Variants in SGK1 observed in about 807,000 individuals in gnomAD.
SGK1 encodes serum/glucocorticoid regulated kinase 1.
Under a neutral mutation model 64.2 loss-of-function variants are expected in SGK1, and 26 were observed. The ratio of observed to expected loss-of-function variants is 0.40; its 90% confidence interval spans 0.30 to 0.56. SGK1 has a LOEUF of 0.56. Ranked by LOEUF, SGK1 falls within the 20% of genes least tolerant of loss-of-function variation. SGK1 has a pLI of 0.38. For synonymous variants in SGK1, 265 were observed against 239.7 expected (o/e 1.11, Z -0.98); for missense variants, 519 against 645.6 (o/e 0.80, Z 2.12).
At chr6:134,185,555 AGT>A (rs55653141) in intron 3 of SGK1, among the ~76,000 whole-genome samples, 4,052 of 145,326 alleles carry the variant, frequency 0.028, 86 homozygotes, top group African/African-American at 0.059. Context: ...TATCTCTATG[AGT>A]GTGTGTGTGT....
In SGK1 at chr6:134,242,038, G is replaced by A. The variant is rs559319901; in HGVS notation, c.285+19895C>T. 7.2e-5 allele frequency among the ~76,000 whole-genome samples: 11 copies of A among 152,334 alleles called. No individual in the cohort carries two copies. The South Asian group carries it at 2.3e-3, about 32-fold the overall frequency. On this transcript the variant is annotated intron_variant, in intron 2 of 13. Coordinates refer to ENST00000367858, the MANE Select transcript of SGK1 (RefSeq NM_001143676.3). ...TGTCAGGAGTCCCAGAGGAAAGGGA[G>A]AGAAGGGATTAATGTGGCTAAGTGA...
At chr6:134,300,278 C>T (rs1777427797) in intron 1 of SGK1, among the ~76,000 whole-genome samples, 1 of 151,296 alleles carries the variant, frequency 6.6e-6, no homozygotes, top group Non-Finnish European at 1.5e-5. Context: ...ATGGCTCACG[C>T]CTGTAATCCC....
Position 134,207,440 on chromosome 6 carries a change from CAT to C in SGK1, c.286-11_286-10del, listed in dbSNP as rs1250359838. ...TTACATGGCTCTCTCACCTTTAAAA[CAT>C]AAAGAGAAAAGAAGTGATATAAAAA... On this transcript the variant is annotated splice_polypyrimidine_tract_variant and intron_variant, in intron 2 of 13. Transcript: ENST00000367858. The C allele has an allele frequency of 4.1e-5, 65 of 1,595,030 alleles. No homozygotes were observed. The highest frequency in any genetic ancestry group is 5.3e-5 in the Non-Finnish European group (62 of 1,163,820).
At chr6:134,313,275 T>C (rs1369894757) in intron 1 of SGK1, among the ~76,000 whole-genome samples, 2 of 152,144 alleles carry the variant, frequency 1.3e-5, no homozygotes, top group Admixed American at 6.5e-5. Context: ...GTCAACACTT[T>C]GGGACGCTCC....
chr6:134,265,541 C>G (rs1022995990), intron 1 of SGK1, among the ~76,000 whole-genome samples: 1 of 145,764 alleles, frequency 6.9e-6, no homozygotes, highest in African/African-American at 2.5e-5. Flanking sequence ...ATTTTATATA[C>G]ACATATATAT....
intron 1 of SGK1, among the ~76,000 whole-genome samples, chr6:134,301,926 T>C (rs759416566): frequency 1.1e-4 from 16 of 152,152 alleles, no homozygotes; most frequent in Admixed American, 6.6e-4. Context: ...AAGATATGGA[T>C]GGATAAGTGT....
At chr6:134,243,382 T>C (rs1329198641) in intron 2 of SGK1, among the ~76,000 whole-genome samples, 1 of 152,160 alleles carries the variant, frequency 6.6e-6, no homozygotes, top group African/African-American at 2.4e-5. Context: ...TATTATTATT[T>C]GTTTTAGATG....
chr6:134,185,853 C>T (rs1255263011), intron 3 of SGK1, among the ~76,000 whole-genome samples: 3 of 152,094 alleles, frequency 2.0e-5, no homozygotes, highest in Non-Finnish European at 4.4e-5. Context: ...GCTGGAGAAC[C>T]TGATGTCCGA....
intron 2 of SGK1, among the ~76,000 whole-genome samples, chr6:134,232,828 G>A (rs2114715962): frequency 6.6e-6 from 1 of 151,198 alleles, no homozygotes; most frequent in Non-Finnish European, 1.5e-5. Context: ...CTCCAGCCTG[G>A]GCGACAGAGT....
intron 3 of SGK1, among the ~76,000 whole-genome samples, chr6:134,197,572 T>G (rs1277148071): frequency 1.3e-5 from 2 of 152,104 alleles, no homozygotes; most frequent in Non-Finnish European, 2.9e-5. Context: ...ACACCTGTAA[T>G]CCCAGCACTT....
chr6:134,198,461 G>A (rs1775629306), intron 3 of SGK1, among the ~76,000 whole-genome samples: 1 of 152,068 alleles, frequency 6.6e-6, no homozygotes. Context: ...ATAAATATGA[G>A]TATTTTGCTT....
Position 134,181,272 on chromosome 6 carries a change from A to C in SGK1, c.362-6686T>G, listed in dbSNP as rs180879675. Among the ~76,000 whole-genome samples, 297 of 152,304 alleles carry C rather than the reference A, an allele frequency of 2.0e-3. 2 individuals are homozygous for C. The highest frequency in any genetic ancestry group is 6.9e-3 in the African/African-American group (286 of 41,570). ...CTGGTGGACATCTTTTGTCAAACTAAAGTGAAACCTGAAAGCTTTGATTTG... is the reference window on the plus strand; with the variant it reads ...CTGGTGGACATCTTTTGTCAAACTACAGTGAAACCTGAAAGCTTTGATTTG... On this transcript the variant is annotated intron_variant, in intron 3 of 13. Coordinates refer to ENST00000367858, the MANE Select transcript of SGK1 (RefSeq NM_001143676.3).
At chr6:134,218,183 C>A (rs1384363319) in intron 2 of SGK1, among the ~76,000 whole-genome samples, 2 of 152,126 alleles carry the variant, frequency 1.3e-5, no homozygotes, top group African/African-American at 4.8e-5. Flanking sequence ...GGTAACGTAA[C>A]TTGTGTTAGG....
At chr6:134,306,556 C>G (rs1777537852) in intron 1 of SGK1, among the ~76,000 whole-genome samples, 1 of 152,024 alleles carries the variant, frequency 6.6e-6, no homozygotes, top group Non-Finnish European at 1.5e-5. Flanking sequence ...CAGGGTCTCA[C>G]TCTATCTCCC....
intron 3 of SGK1, among the ~76,000 whole-genome samples, chr6:134,189,225 T>TGC (rs778159686): frequency 0.018 from 2,571 of 143,238 alleles, 76 homozygotes; most frequent in African/African-American, 0.062. Context: ...TGTGTGTGTG[T>TGC]GTGCGTGTGC....
intron 3 of SGK1, chr6:134,177,592 G>A (rs1371677266): frequency 8.3e-7 from 1 of 1,198,906 alleles, no homozygotes; most frequent in Non-Finnish European, 1.2e-6. Context: ...CCCACCTTAT[G>A]TGCCTTCCCC....
chr6:134,297,051 ATCT>A (rs1251187110), intron 1 of SGK1: 1 of 456,422 alleles, frequency 2.2e-6, no homozygotes, highest in Non-Finnish European at 4.2e-6. Flanking sequence ...GCGGGTCTCG[ATCT>A]TCTTCACAAC....
At chr6:134,232,743 T>C (rs1363609888) in intron 2 of SGK1, among the ~76,000 whole-genome samples, 1 of 150,986 alleles carries the variant, frequency 6.6e-6, no homozygotes, top group Admixed American at 6.6e-5. Flanking sequence ...CCCAGCTACC[T>C]GGGAGAATGA....
intron 1 of SGK1, among the ~76,000 whole-genome samples, chr6:134,300,686 G>A: frequency 7.0e-6 from 1 of 143,846 alleles, no homozygotes; most frequent in East Asian, 2.2e-4. Flanking sequence ...AGGCTGGAGT[G>A]CAATGGCATG....
Sources: allele counts gnomAD v4.1 joint callset (sites outside exome capture counted in the v4.1 genomes callset), GRCh38; gene constraint gnomAD v4.1.1; transcripts MANE v1.5; gene names NCBI Gene and HGNC (gene_info 2026-07-23, HGNC 2026-07-21).